Variants in CHSY3 observed in about 807,000 individuals in gnomAD.
CHSY3 encodes chondroitin sulfate synthase 3.
Under a neutral mutation model 67.2 loss-of-function variants are expected in CHSY3, and 35 were observed. That is an observed-to-expected ratio of 0.52 (90% CI 0.40 to 0.69). The LOEUF (loss-of-function observed/expected upper bound fraction) is 0.69. CHSY3 is among the 30% of genes least tolerant of loss of function. The probability of loss-of-function intolerance (pLI) is 0.00; values close to 1 mark genes in which losing one functional copy is unlikely to be tolerated. For synonymous variants in CHSY3, 474 were observed against 434.7 expected (o/e 1.09, Z -1.12); for missense variants, 1,069 against 1,138.5 (o/e 0.94, Z 0.88).
At chr5:129,910,296 C>T (rs1760491651) in intron 2 of CHSY3, among the ~76,000 whole-genome samples, 1 of 151,986 alleles carries the variant, frequency 6.6e-6, no homozygotes, top group Non-Finnish European at 1.5e-5. Context: ...TTTAGACTGA[C>T]ACTTGACCAT....
intron 2 of CHSY3, among the ~76,000 whole-genome samples, chr5:130,126,162 T>C (rs1169399309): frequency 1.3e-5 from 2 of 152,182 alleles, no homozygotes; most frequent in East Asian, 1.9e-4. Flanking sequence ...CTTATCAATA[T>C]GGAGTCCCTA....
chr5:130,074,153 C>T (rs1766178876), intron 2 of CHSY3, among the ~76,000 whole-genome samples: 1 of 152,160 alleles, frequency 6.6e-6, no homozygotes, highest in Non-Finnish European at 1.5e-5. Flanking sequence ...TCACTACAAC[C>T]TCCTCCTTCC....
At chr5:129,975,289 G>A (rs528931569) in intron 2 of CHSY3, among the ~76,000 whole-genome samples, 12 of 152,146 alleles carry the variant, frequency 7.9e-5, no homozygotes, top group Admixed American at 6.5e-4. Flanking sequence ...TACAATTATA[G>A]TAGCATCTAC....
At chr5:130,058,856 G>A (rs565698151) in intron 2 of CHSY3, among the ~76,000 whole-genome samples, 55 of 152,234 alleles carry the variant, frequency 3.6e-4, no homozygotes, top group Admixed American at 1.0e-3. Flanking sequence ...CATTCTTTGC[G>A]TTTTCATCAT....
chr5:130,135,283 T>TATAC (rs1554085264), intron 2 of CHSY3, among the ~76,000 whole-genome samples: 1 of 150,630 alleles, frequency 6.6e-6, no homozygotes, highest in African/African-American at 2.4e-5. Context: ...TATATATATA[T>TATAC]ACACACACAC....
At chr5:130,167,585 G>A (rs568135430) in intron 2 of CHSY3, among the ~76,000 whole-genome samples, 14 of 152,148 alleles carry the variant, frequency 9.2e-5, no homozygotes, top group Non-Finnish European at 1.9e-4. Context: ...TCTTGGCCAC[G>A]CATTGATGGG....
At chr5:130,177,086 T>C (rs1198816937) in intron 2 of CHSY3, among the ~76,000 whole-genome samples, 1 of 152,046 alleles carries the variant, frequency 6.6e-6, no homozygotes, top group Non-Finnish European at 1.5e-5. Flanking sequence ...TCTATTGACT[T>C]AGTTAACTTT....
At chr5:130,065,263 C>T (rs1765846977) in intron 2 of CHSY3, among the ~76,000 whole-genome samples, 1 of 152,010 alleles carries the variant, frequency 6.6e-6, no homozygotes, top group Non-Finnish European at 1.5e-5. Context: ...GTAATAGCAA[C>T]TTTGACATTT....
chr5:129,905,024 G>A lies in CHSY3; in HGVS notation c.195G>A (p.Gln65=). 2 of 1,562,772 alleles carry A rather than the reference G, an allele frequency of 1.3e-6. No homozygotes were observed. The highest frequency in any genetic ancestry group is 1.7e-6 in the Non-Finnish European group (2 of 1,160,934). The change falls in exon 1 of 3, where the codon CAG becomes CAA. Residue 65 remains glutamine, a synonymous_variant. Coordinates refer to ENST00000305031, the MANE Select transcript of CHSY3 (RefSeq NM_175856.5). ...CCGGCGCTCAGCAGCCGCTCCCCCAGCCCCAGTCCCGACCACGGCAGGAGC... is the reference window on the plus strand; with the variant it reads ...CCGGCGCTCAGCAGCCGCTCCCCCAACCCCAGTCCCGACCACGGCAGGAGC... ...PRAGAQQPLP[Q]PQSRPRQEQS...
At chr5:129,911,411 T>C (rs970194658) in intron 2 of CHSY3, among the ~76,000 whole-genome samples, 1 of 152,136 alleles carries the variant, frequency 6.6e-6, no homozygotes, top group African/African-American at 2.4e-5. Context: ...CTTCTTTAAG[T>C]CGTGTGTAAT....
chr5:129,978,285 G>A (rs1028898765), intron 2 of CHSY3, among the ~76,000 whole-genome samples: 2 of 152,074 alleles, frequency 1.3e-5, no homozygotes, highest in Non-Finnish European at 2.9e-5. Context: ...TTTCAAAACA[G>A]TTTTAACTTA....
At position 130,037,008 on chromosome 5, in the gene CHSY3, C is replaced by G. The variant is rs561536846; in HGVS notation, c.1086+128648C>G. Among the ~76,000 whole-genome samples the G allele has an allele frequency of 2.0e-5, 3 of 152,166 alleles. No homozygotes were observed. The South Asian group carries it at 6.2e-4, about 32-fold the overall frequency. On this transcript the variant is annotated intron_variant, in intron 2 of 2. Transcript: ENST00000305031. The stretch of plus-strand genomic sequence containing the variant: ...CTAACTCATGTGGCATGTAGATCCT[C>G]CAAGAACATATGGTATCCTGAATGG...
chr5:129,947,617 A>C (rs965466887), intron 2 of CHSY3, among the ~76,000 whole-genome samples: 1 of 91,500 alleles, frequency 1.1e-5, no homozygotes, highest in Non-Finnish European at 1.9e-5. Flanking sequence ...GCGAGACTCC[A>C]TCTCAAAAAA....
At chr5:129,938,542 C>T (rs928795118) in intron 2 of CHSY3, among the ~76,000 whole-genome samples, 28 of 152,256 alleles carry the variant, frequency 1.8e-4, no homozygotes, top group African/African-American at 6.0e-4. Flanking sequence ...TGAGCATATG[C>T]GGTTAGAAGC....
At chr5:130,006,481 A>G (rs1763880215) in intron 2 of CHSY3, among the ~76,000 whole-genome samples, 1 of 152,148 alleles carries the variant, frequency 6.6e-6, no homozygotes, top group Non-Finnish European at 1.5e-5. Flanking sequence ...GGTTGAGGTA[A>G]TATGTTTCAA....
chr5:130,087,775 G>T (rs1483705980), intron 2 of CHSY3, among the ~76,000 whole-genome samples: 3 of 151,848 alleles, frequency 2.0e-5, no homozygotes, highest in Admixed American at 6.6e-5. Flanking sequence ...TCAATATCAT[G>T]AAAATGGCCA....
chr5:130,128,229 G>GGTGTGTGTGTGTGTGTGT lies in CHSY3; in HGVS notation c.1087-55992_1087-55975dup, dbSNP rs112570550. On this transcript the variant is annotated intron_variant, in intron 2 of 2. Transcript: ENST00000305031. ...GCCAAGATGTGGAAGAAGAAAATGT[G>GGTGTGTGTGTGTGTGTGT]GTGTGTGTGTGTGTGTGTGTGTGTG... is the stretch of plus-strand genomic sequence containing the variant. 4.4e-3 allele frequency among the ~76,000 whole-genome samples: 643 copies of GGTGTGTGTGTGTGTGTGT among 147,458 alleles called. 4 individuals carry two copies. Among genetic ancestry groups the GGTGTGTGTGTGTGTGTGT allele is most frequent in the African/African-American group, 0.015 (603 of 39,754 alleles).
At chr5:130,071,047 C>T (rs79260638) in intron 2 of CHSY3, among the ~76,000 whole-genome samples, 1,770 of 151,866 alleles carry the variant, frequency 0.012, 25 homozygotes, top group African/African-American at 0.038. Context: ...GACAGAGAGA[C>T]GGATAGTAAT....
chr5:130,116,015 T>C (rs1478892349), intron 2 of CHSY3, among the ~76,000 whole-genome samples: 1 of 152,134 alleles, frequency 6.6e-6, no homozygotes, highest in African/African-American at 2.4e-5. Context: ...TTTCTTGTCA[T>C]TTTCATCCTC....
Sources: gnomAD v4.1 joint callset for allele counts (sites outside exome capture counted in the v4.1 genomes callset) on GRCh38, gnomAD v4.1.1 for gene constraint, MANE v1.5 for transcripts, NCBI Gene and HGNC (gene_info 2026-07-23, HGNC 2026-07-21) for gene names.